Variants in ACOT12 observed in about 807,000 individuals in gnomAD.
The protein encoded by ACOT12 is acetyl-coenzyme A thioesterase.
Under a neutral mutation model 67.7 loss-of-function variants are expected in ACOT12, and 51 were observed. The ratio of observed to expected loss-of-function variants is 0.75; its 90% CI spans 0.60 to 0.95. The LOEUF is 0.95. Ranked by LOEUF, ACOT12 falls within the 40% of genes least tolerant of loss-of-function variation. The pLI is 0.00. For synonymous variants in ACOT12, 251 were observed against 244.6 expected (o/e 1.03, Z -0.24); for missense variants, 734 against 708.1 (o/e 1.04, Z -0.41).
At chr5:81,358,351 C>G (rs1313215875) in intron 5 of ACOT12, among the ~76,000 whole-genome samples, 1 of 152,160 alleles carries the variant, frequency 6.6e-6, no homozygotes. Flanking sequence ...GATGAGGAGA[C>G]AGCAGGGTTT....
intron 8 of ACOT12, among the ~76,000 whole-genome samples, chr5:81,344,518 A>T (rs1759311338): frequency 6.6e-6 from 1 of 152,214 alleles, no homozygotes; most frequent in African/African-American, 2.4e-5. Flanking sequence ...AAAAATTAAC[A>T]TTGGCAATCA....
the ACOT12 span, among the ~76,000 whole-genome samples, chr5:81,310,956 C>T: frequency 1.1e-3 from 167 of 152,304 alleles, no homozygotes; most frequent in Non-Finnish European, 1.9e-3. Flanking sequence ...TGCCTTCCAT[C>T]ATATCTCATT....
chr5:81,371,918 G>C, intron 2 of ACOT12, 108 bp from the exon 3 acceptor site: 4 of 929,174 alleles, frequency 4.3e-6, no homozygotes, highest in African/African-American at 1.6e-5. Context: ...ACCTTATCAT[G>C]CTGATAATTT....
intron 2 of ACOT12, among the ~76,000 whole-genome samples, chr5:81,384,786 A>AGGCATAT (rs1295590710): frequency 1.3e-5 from 2 of 152,326 alleles, no homozygotes; most frequent in Non-Finnish European, 2.9e-5. Context: ...AAAACAATCC[A>AGGCATAT]GGCATATGGG....
chr5:81,325,241 A>G (rs185226492), downstream of ACOT12, among the ~76,000 whole-genome samples: 1 of 152,288 alleles, frequency 6.6e-6, no homozygotes, highest in East Asian at 1.9e-4. Flanking sequence ...TATTTTTTGA[A>G]GTTCATGACC....
chr5:81,319,201 T>A, the ACOT12 span, among the ~76,000 whole-genome samples: 1 of 152,236 alleles, frequency 6.6e-6, no homozygotes, highest in Non-Finnish European at 1.5e-5. Flanking sequence ...TTGCTAAAGT[T>A]TTTGTTACCA....
At chr5:81,342,114 C>T (rs1759214301) in intron 11 of ACOT12, among the ~76,000 whole-genome samples, 1 of 152,150 alleles carries the variant, frequency 6.6e-6, no homozygotes, top group African/African-American at 2.4e-5. Context: ...CCTCAACCTC[C>T]TGGGTAGCTA....
At chr5:81,387,007 T>G (rs1760744688) in intron 1 of ACOT12, among the ~76,000 whole-genome samples, 1 of 107,690 alleles carries the variant, frequency 9.3e-6, no homozygotes, top group African/African-American at 2.7e-5. Flanking sequence ...TTTTTTTTTT[T>G]TTTTTTTTTT....
intron 1 of ACOT12, among the ~76,000 whole-genome samples, chr5:81,388,194 C>G (rs114571539): frequency 5.1e-4 from 78 of 152,254 alleles, no homozygotes; most frequent in Non-Finnish European, 8.7e-4. Flanking sequence ...GTAGGTTAGA[C>G]AAACCAGAGA....
At chr5:81,353,413 T>C (rs373320591) in intron 5 of ACOT12, among the ~76,000 whole-genome samples, 2 of 152,212 alleles carry the variant, frequency 1.3e-5, no homozygotes, top group South Asian at 4.1e-4. Context: ...ATACGTGTAC[T>C]TTGGATGTTC....
chr5:81,330,741 C>T, intron 14 of ACOT12, 73 bp downstream of exon 14: 1 of 1,576,174 alleles, frequency 6.3e-7, no homozygotes, highest in Non-Finnish European at 8.6e-7. Flanking sequence ...TTAATTAGGA[C>T]ATCTGGGTAA....
the ACOT12 span, among the ~76,000 whole-genome samples, chr5:81,310,888 T>C: frequency 6.6e-6 from 1 of 152,210 alleles, no homozygotes; most frequent in Admixed American, 6.5e-5. Context: ...GTTCACAGAC[T>C]CTTGATTGTC....
intron 13 of ACOT12, among the ~76,000 whole-genome samples, chr5:81,332,096 C>T (rs1013514461): frequency 5.3e-5 from 8 of 152,194 alleles, no homozygotes; most frequent in African/African-American, 1.7e-4. Flanking sequence ...TCGACAGCCC[C>T]AGCTGACAAC....
the ACOT12 span, among the ~76,000 whole-genome samples, chr5:81,310,028 A>AT: frequency 6.6e-6 from 1 of 152,132 alleles, no homozygotes; most frequent in South Asian, 2.1e-4. Flanking sequence ...CTCTTTCACT[A>AT]TGGCATATAA....
At chr5:81,310,127 C>T in the ACOT12 span, among the ~76,000 whole-genome samples, 1 of 133,852 alleles carries the variant, frequency 7.5e-6, no homozygotes, top group Non-Finnish European at 1.5e-5. Context: ...GCAAAAATGG[C>T]TTTCACTGGT....
chr5:81,316,385 A>T, the ACOT12 span, among the ~76,000 whole-genome samples: 1 of 152,144 alleles, frequency 6.6e-6, no homozygotes, highest in African/African-American at 2.4e-5. Flanking sequence ...TGGACACTTT[A>T]TGTAAATGGA....
chr5:81,342,531 G>T lies in ACOT12; in HGVS notation c.1128+141C>A. Reference sequence around the variant, plus strand: ...CAGCTTGTAGAGACAGGGCTGAAAAGATGGTTGCGTCTTAGAAACAGTTTC... The same window carrying T: ...CAGCTTGTAGAGACAGGGCTGAAAATATGGTTGCGTCTTAGAAACAGTTTC... On this transcript the variant is annotated intron_variant, in intron 11 of 14. Coordinates refer to ENST00000307624, the MANE Select transcript of ACOT12 (RefSeq NM_130767.3). 4 of 787,134 alleles carry T rather than the reference G, an allele frequency of 5.1e-6. No homozygotes were observed. In the South Asian group the frequency reaches 5.1e-5, roughly 10 times the overall value. The allele number at this position is 787,134 out of a possible 1,614,324, so 48.8% of individuals were successfully genotyped here.
intron 5 of ACOT12, among the ~76,000 whole-genome samples, chr5:81,352,207 A>G (rs1029014426): frequency 2.6e-5 from 4 of 152,184 alleles, no homozygotes; most frequent in Non-Finnish European, 5.9e-5. Flanking sequence ...AGGTTCCTCA[A>G]AAGACTAAAA....
At chr5:81,356,909 C>T (rs1759734542) in intron 5 of ACOT12, among the ~76,000 whole-genome samples, 1 of 151,978 alleles carries the variant, frequency 6.6e-6, no homozygotes, top group African/African-American at 2.4e-5. Flanking sequence ...CCAGTCATGC[C>T]CCAACCCTGC....
Sources: gnomAD v4.1 joint callset for allele counts (sites outside exome capture counted in the v4.1 genomes callset) on GRCh38, gnomAD v4.1.1 for gene constraint, MANE v1.5 for transcripts, NCBI Gene and HGNC (gene_info 2026-07-23, HGNC 2026-07-21) for gene names.